BUD23: variants seen among roughly 807,000 people sequenced by gnomAD.
BUD23 encodes the protein BUD23 rRNA methyltransferase and ribosome maturation factor, also known as 18S rRNA (guanine-N(7))-methyltransferase.
BUD23 carries 34 observed loss-of-function variants against 47.0 expected under a neutral mutation model. The ratio of observed to expected loss-of-function variants is 0.72; its 90% confidence interval spans 0.55 to 0.96. The LOEUF is 0.96. BUD23 is among the 40% of genes least tolerant of loss of function. The probability of loss-of-function intolerance (pLI) is 0.00; values close to 1 mark genes in which losing one functional copy is unlikely to be tolerated. For missense variants in BUD23, 343 were observed against 361.2 expected (o/e 0.95, Z 0.41); for synonymous variants, 124 against 132.0 (o/e 0.94, Z 0.41).
At chr7:73,688,406 C>G (rs1295307294) in intron 5 of BUD23, among the ~76,000 whole-genome samples, 3 of 152,178 alleles carry the variant, frequency 2.0e-5, no homozygotes, top group African/African-American at 7.2e-5. Flanking sequence ...GGTTCGGGCA[C>G]CACTGGTACA....
intron 2 of BUD23, among the ~76,000 whole-genome samples, chr7:73,684,620 G>T (rs1286393584): frequency 1.9e-4 from 28 of 147,424 alleles, no homozygotes; most frequent in Admixed American, 1.3e-3. Flanking sequence ...AAAAAAAAGG[G>T]GGGGGGATGG....
rs1474670574 is a variant in BUD23, at chr7:73,693,382, G to C, written c.564G>C (p.Val188=). Reference sequence around the variant, plus strand: ...AGGCAGGCTTCTCCGGTGGCATGGTGGTAGACTACCCTAACAGTGCCAAAG... The same window carrying C: ...AGGCAGGCTTCTCCGGTGGCATGGTCGTAGACTACCCTAACAGTGCCAAAG... The part of the protein sequence containing the change: ...ATKAGFSGGM[V]VDYPNSAKAK... The change falls in exon 8 of 12, where the codon GTG becomes GTC. Residue 188 remains valine, a synonymous_variant. Coordinates refer to ENST00000265758, the MANE Select transcript of BUD23 (RefSeq NM_017528.5). 1.7e-5 allele frequency: 27 copies of C among 1,614,078 alleles called. No homozygotes were observed. Among genetic ancestry groups the C allele is most frequent in the Non-Finnish European group, 2.2e-5 (26 of 1,180,036 alleles).
intron 6 of BUD23, among the ~76,000 whole-genome samples, chr7:73,692,381 A>C (rs1798226457): frequency 6.6e-6 from 1 of 152,250 alleles, no homozygotes; most frequent in South Asian, 2.1e-4. Context: ...GTAACAAAGA[A>C]AAAATTTGCT....
At position 73,684,060 on chromosome 7, in the gene BUD23, T is replaced by C. The variant is rs1797840889; in HGVS notation, c.86+256T>C. 3.0e-6 allele frequency: 4 copies of C among 1,315,764 alleles called. No individual in the cohort carries two copies. The Admixed American group carries it at 1.2e-4, about 38-fold the overall frequency. 81.5% of individuals were successfully genotyped at this position (1,315,764 alleles called of 1,614,324 possible). A position where few individuals can be genotyped will look rare whatever the true frequency, so the allele number is the denominator to read the frequency against. On this transcript the variant is annotated intron_variant, in intron 2 of 11. Coordinates refer to ENST00000265758, the MANE Select transcript of BUD23 (RefSeq NM_017528.5). Reference sequence around the variant, plus strand: ...TTTCAAAGTCGAATGTGACAATTTGTCCTAAACATGTGGTAAAAGAGGCGC... The same window carrying C: ...TTTCAAAGTCGAATGTGACAATTTGCCCTAAACATGTGGTAAAAGAGGCGC...
chr7:73,693,458 G>T (rs376792289), intron 8 of BUD23, 44 bp downstream of exon 8: 17 of 1,611,138 alleles, frequency 1.1e-5, no homozygotes, highest in Admixed American at 1.7e-5. Context: ...GCAGGAGGGA[G>T]GGTAGTGGCA....
intron 8 of BUD23, 98 bp downstream of exon 8, chr7:73,693,512 G>A (rs2116698846): frequency 1.3e-6 from 2 of 1,596,160 alleles, no homozygotes; most frequent in East Asian, 2.2e-5. Flanking sequence ...GTGCTGGGGT[G>A]TGGGTCACCA....
At chr7:73,696,158 G>A (rs138747328) in intron 10 of BUD23, 2 of 152,352 alleles carry the variant, frequency 1.3e-5, no homozygotes, top group Non-Finnish European at 2.9e-5. Context: ...AGCCCAAAAT[G>A]CATGTGTTTG....
At chr7:73,689,200 C>T (rs1030764004) in intron 5 of BUD23, among the ~76,000 whole-genome samples, 3 of 152,150 alleles carry the variant, frequency 2.0e-5, no homozygotes, top group Non-Finnish European at 4.4e-5. Context: ...CAGGTGCTCA[C>T]CACCATGCTT....
chr7:73,693,081 G>A (rs1388084000), intron 7 of BUD23: 1 of 574,874 alleles, frequency 1.7e-6, no homozygotes, highest in African/African-American at 1.9e-5. Context: ...AAACTTGAGT[G>A]GGGAGCTGGG....
At chr7:73,693,040 A>G (rs1798253489) in intron 7 of BUD23, 2 of 558,610 alleles carry the variant, frequency 3.6e-6, no homozygotes, top group Non-Finnish European at 6.4e-6. Flanking sequence ...AACATGAATG[A>G]CTCTGGATTC....
chr7:73,687,187 A>C, intron 5 of BUD23, 92 bp downstream of exon 5: 1 of 1,336,544 alleles, frequency 7.5e-7, no homozygotes, highest in Non-Finnish European at 1.0e-6. Flanking sequence ...ATTATGGCTC[A>C]CACTGCAGCC....
intron 10 of BUD23, chr7:73,696,522 A>G (rs1363331826): frequency 2.0e-5 from 3 of 152,094 alleles, no homozygotes; most frequent in African/African-American, 7.2e-5. Flanking sequence ...GGGTAGTGCC[A>G]CCTATCTTGG....
At chr7:73,689,283 A>C (rs910094776) in intron 5 of BUD23, among the ~76,000 whole-genome samples, 1 of 151,316 alleles carries the variant, frequency 6.6e-6, no homozygotes, top group Non-Finnish European at 1.5e-5. Context: ...TCCTGACTTC[A>C]TGAACTGCCC....
intron 5 of BUD23, among the ~76,000 whole-genome samples, chr7:73,690,703 G>A (rs1563555248): frequency 6.6e-6 from 1 of 152,108 alleles, no homozygotes; most frequent in Non-Finnish European, 1.5e-5. Flanking sequence ...TGAAGTCCTG[G>A]CCTCAGGCAA....
chr7:73,693,911 C>T, intron 9 of BUD23, 81 bp from the exon 10 acceptor site: 3 of 1,567,532 alleles, frequency 1.9e-6, no homozygotes, highest in Admixed American at 3.5e-5. Flanking sequence ...AAGGGTCAGG[C>T]CTGGGTGCCT....
At position 73,697,221 on chromosome 7, in the gene BUD23, A is replaced by G. The variant is rs531872763; in HGVS notation, c.702-384A>G. ...TCCTGCCCCCAAGCTGTGGGACCCT[A>G]AGCTCCTGCTGTGAACTGTCGACTG... On this transcript the variant is annotated intron_variant, in intron 10 of 11. Transcript: ENST00000265758. 33 of 543,504 alleles carry G rather than the reference A, an allele frequency of 6.1e-5. No individual in the cohort carries two copies. The East Asian group carries it at 9.5e-4, about 16-fold the overall frequency. The allele number at this position is 543,504 out of a possible 1,614,324, so 33.7% of individuals were successfully genotyped here. A position where few individuals can be genotyped will look rare whatever the true frequency, so the allele number is the denominator to read the frequency against.
chr7:73,692,859 A>G (rs920584471), intron 7 of BUD23: 11 of 570,538 alleles, frequency 1.9e-5, no homozygotes, highest in Admixed American at 9.7e-5. Context: ...GGCAGATGAC[A>G]TGGTATTACA....
At chr7:73,684,484 T>A (rs112564596) in intron 2 of BUD23, among the ~76,000 whole-genome samples, 5,305 of 150,950 alleles carry the variant, frequency 0.035, 92 homozygotes, top group African/African-American at 0.04. Flanking sequence ...AAATTTTTGT[T>A]GCGATGGGGT....
rs781873431 is a variant in BUD23 at position 73,683,747 on chromosome 7, C to T, written c.49-20C>T. Reference sequence around the variant, plus strand: ...CGCGTCTGAATTATTCCTCTACATGCCATTTTCTCTTTTTCGCAGTTTTAT... The same window carrying T: ...CGCGTCTGAATTATTCCTCTACATGTCATTTTCTCTTTTTCGCAGTTTTAT... On this transcript the variant is annotated intron_variant, in intron 1 of 11. Coordinates refer to ENST00000265758, the MANE Select transcript of BUD23 (RefSeq NM_017528.5). 3.7e-6 allele frequency: 6 copies of T among 1,614,192 alleles called. No homozygotes were observed. The highest frequency in any genetic ancestry group is 5.1e-6 in the Non-Finnish European group (6 of 1,180,044).
Sources: allele counts gnomAD v4.1 joint callset (sites outside exome capture counted in the v4.1 genomes callset), GRCh38; gene constraint gnomAD v4.1.1; transcripts MANE v1.5; gene names NCBI Gene and HGNC (gene_info 2026-07-23, HGNC 2026-07-21).